RGS3: variants seen among roughly 807,000 people sequenced by gnomAD.
RGS3 encodes regulator of G protein signaling 3, also known as regulator of G-protein signalling 3.
RGS3 carries 80 observed loss-of-function variants against 132.6 expected under a neutral mutation model. That is an observed-to-expected ratio of 0.60 (90% CI 0.50 to 0.73). RGS3 has a LOEUF of 0.73. Among genes scored for constraint, RGS3 ranks in the 30% least tolerant of loss-of-function variants. The pLI is 0.00. For synonymous variants in RGS3, 598 were observed against 620.6 expected, an observed-to-expected ratio of 0.96 and a Z score of 0.54; for missense variants, 1,382 against 1,530.8, an observed-to-expected ratio of 0.90 and a Z score of 1.62.
chr9:113,584,078 A>G, exon 20 of RGS3: 1 of 1,614,032 alleles, frequency 6.2e-7, no homozygotes, highest in Non-Finnish European at 8.5e-7. Flanking sequence ...GAGGAGGTGG[A>G]GGAGGGGGAG....
chr9:113,516,184 T>C (rs1351104880), intron 15 of RGS3, among the ~76,000 whole-genome samples: 2 of 152,222 alleles, frequency 1.3e-5, no homozygotes, highest in Non-Finnish European at 2.9e-5. Flanking sequence ...TCTGAGCCTG[T>C]CACTGTCCAG....
chr9:113,514,750 A>G (rs765873600), intron 15 of RGS3, 96 bp downstream of exon 13: 10 of 1,203,082 alleles, frequency 8.3e-6, no homozygotes, highest in Non-Finnish European at 1.2e-5. Context: ...TTATCCCAGG[A>G]CTGAGGGCCC....
At chr9:113,543,064 A>G (rs1832969780) in intron 19 of RGS3, among the ~76,000 whole-genome samples, 1 of 152,186 alleles carries the variant, frequency 6.6e-6, no homozygotes, top group Non-Finnish European at 1.5e-5. Context: ...TAACTGCCAG[A>G]CCTAGAGGGA....
chr9:113,469,237 G>A (rs1829748854), intron 3 of RGS3, among the ~76,000 whole-genome samples: 2 of 152,080 alleles, frequency 1.3e-5, no homozygotes, highest in African/African-American at 4.8e-5. Flanking sequence ...GTCAGGCCCT[G>A]AACTGGAGGC....
rs1003296431 is a variant in RGS3 at position 113,463,373 on chromosome 9, C to T, written c.415+1172C>T. 1.3e-5 allele frequency among the ~76,000 whole-genome samples: 2 copies of T among 152,212 alleles called. No homozygotes were observed. Among genetic ancestry groups the T allele is most frequent in the Non-Finnish European group, 2.9e-5 (2 of 68,040 alleles). On this transcript the variant is annotated intron_variant, in intron 3 of 24. Coordinates refer to ENST00000350696, the Ensembl canonical transcript of RGS3. This position sits in a 1 kb window ranked among gnomAD's most constrained non-coding sequence, Gnocchi z 4.6. ...ATGATTATAGGCCTGAGCTTCAAAG[C>T]AGGTTATAAACCCGACTAATTGCTG...
chr9:113,470,160 C>T (rs928754175), intron 3 of RGS3, among the ~76,000 whole-genome samples: 12 of 60,664 alleles, frequency 2.0e-4, no homozygotes, highest in African/African-American at 7.8e-4. Flanking sequence ...ATCCACCTGC[C>T]TTGGCCTCCC....
At chr9:113,514,986 C>T (rs1263082327) in intron 15 of RGS3, among the ~76,000 whole-genome samples, 3 of 152,176 alleles carry the variant, frequency 2.0e-5, no homozygotes, top group Admixed American at 6.5e-5. Context: ...AAAGCTCCCG[C>T]TCCCTGGCTC....
chr9:113,581,332 G>C (rs1330720473), intron 19 of RGS3: 1 of 152,210 alleles, frequency 6.6e-6, no homozygotes, highest in Admixed American at 6.5e-5. Flanking sequence ...GGGTCTTTCT[G>C]TCCACCTGGG....
intron 7 of RGS3, 139 bp from the exon 6 acceptor site, chr9:113,495,647 G>C (rs1257196399): frequency 2.7e-6 from 2 of 730,452 alleles, no homozygotes; most frequent in African/African-American, 3.5e-5. Context: ...CACAGAGTCA[G>C]AAGGATCAAA....
At chr9:113,517,813 CA>C (rs1302639677) in intron 16 of RGS3, among the ~76,000 whole-genome samples, 189 bp downstream of exon 14, 2 of 152,156 alleles carry the variant, frequency 1.3e-5, no homozygotes, top group Admixed American at 6.5e-5. Flanking sequence ...CATCTCCTTT[CA>C]AAAGCTGTCG....
intron 1 of RGS3, among the ~76,000 whole-genome samples, chr9:113,446,990 G>A (rs773434372): frequency 5.3e-5 from 8 of 151,694 alleles, no homozygotes; most frequent in African/African-American, 1.2e-4. Context: ...GGCCGGATGC[G>A]GTGGCTCACG....
chr9:113,474,753 A>G (rs1829939637), intron 3 of RGS3, among the ~76,000 whole-genome samples: 1 of 152,084 alleles, frequency 6.6e-6, no homozygotes, highest in Non-Finnish European at 1.5e-5. Context: ...TCTGGGGTGA[A>G]TTGGATTTTA....
chr9:113,543,962 G>C (rs532144628), intron 19 of RGS3, among the ~76,000 whole-genome samples: 48 of 152,328 alleles, frequency 3.2e-4, no homozygotes, highest in African/African-American at 8.4e-4. Flanking sequence ...GGCTCCACAG[G>C]CTCGAGAAGA....
At chr9:113,448,330 C>G (rs1829159896) in intron 1 of RGS3, among the ~76,000 whole-genome samples, 1 of 152,198 alleles carries the variant, frequency 6.6e-6, no homozygotes, top group Non-Finnish European at 1.5e-5. Context: ...TCCCCCCAGC[C>G]CCATTGCCAC....
chr9:113,544,583 G>T (rs1833033151), intron 19 of RGS3, among the ~76,000 whole-genome samples: 1 of 152,230 alleles, frequency 6.6e-6, no homozygotes, highest in Non-Finnish European at 1.5e-5. Context: ...AGGCAATTTT[G>T]CAACGTGGAA....
rs538433768 is a variant in RGS3, at chr9:113,564,900, C to T, written c.2038-18550C>T. On this transcript the variant is annotated intron_variant, in intron 19 of 24. Transcript: ENST00000350696. ...CAGCCTCCCACTGGGACAGGAACAGCGTCGGGGTGGGGGTGTGACAGGGAA... is the reference window on the plus strand; with the variant it reads ...CAGCCTCCCACTGGGACAGGAACAGTGTCGGGGTGGGGGTGTGACAGGGAA... The T allele has an allele frequency of 2.9e-5, 29 of 990,746 alleles. No homozygotes were observed. The Admixed American group carries it at 4.7e-4, about 16-fold the overall frequency. The allele number at this position is 990,746 out of a possible 1,614,324, so 61.4% of individuals were successfully genotyped here.
chr9:113,584,100 GGAC>G, exon 20 of RGS3: 1 of 1,614,236 alleles, frequency 6.2e-7, no homozygotes, highest in Non-Finnish European at 8.5e-7. Flanking sequence ...AAGGGGAGGA[GGAC>G]GAGGATGAGG....
chr9:113,543,177 G>C (rs1195050189), intron 19 of RGS3, among the ~76,000 whole-genome samples: 1 of 152,258 alleles, frequency 6.6e-6, no homozygotes, highest in African/African-American at 2.4e-5. Context: ...GAGAGGCTGA[G>C]GGCTGGCTGA....
At chr9:113,557,766 T>C (rs1178731471) in intron 19 of RGS3, among the ~76,000 whole-genome samples, 2 of 152,024 alleles carry the variant, frequency 1.3e-5, no homozygotes, top group African/African-American at 4.8e-5. Flanking sequence ...TGGGAGGACC[T>C]GGGGAAAGTT....
Sources: allele counts gnomAD v4.1 joint callset (sites outside exome capture counted in the v4.1 genomes callset), GRCh38; gene constraint gnomAD v4.1.1; non-coding constraint Gnocchi (gnomAD v3.1); transcripts MANE v1.5; gene names NCBI Gene and HGNC (gene_info 2026-07-23, HGNC 2026-07-21).